RORA: variants seen among roughly 807,000 people sequenced by gnomAD.
RORA encodes the protein nuclear receptor ROR-alpha.
Under a neutral mutation model 69.5 loss-of-function variants are expected in RORA, and 7 were observed. That is an observed-to-expected ratio of 0.10 (90% confidence interval 0.06 to 0.19). RORA has a LOEUF of 0.19. RORA is among the 10% of genes least tolerant of loss of function. The pLI is 1.00. For missense variants in RORA, 457 were observed against 663.0 expected (o/e 0.69, Z 3.41); for synonymous variants, 261 against 240.8 (o/e 1.08, Z -0.78).
chr15:61,021,934 A>G (rs1055253932), intron 1 of RORA, among the ~76,000 whole-genome samples: 5 of 152,198 alleles, frequency 3.3e-5, no homozygotes, highest in South Asian at 2.1e-4. Flanking sequence ...CATGAATGGT[A>G]TATCACCTGG....
At chr15:61,181,680 C>CAAAAAAAAAAAAAAAAAAAAAAAATAAA (rs749054081) in intron 1 of RORA, among the ~76,000 whole-genome samples, 1 of 57,764 alleles carries the variant, frequency 1.7e-5, no homozygotes, top group Non-Finnish European at 3.6e-5. Context: ...TTAGCTTTGG[C>CAAAAAAAAAAAAAAAAAAAAAAAATAAA]AAAAAAAAAA....
intron 1 of RORA, among the ~76,000 whole-genome samples, chr15:61,190,288 A>G (rs1299758675): frequency 2.0e-5 from 3 of 152,220 alleles, no homozygotes; most frequent in Non-Finnish European, 2.9e-5. Context: ...GCATTTTCCT[A>G]TTAACAAAAG....
At chr15:61,139,008 G>A (rs1418786257) in intron 1 of RORA, among the ~76,000 whole-genome samples, 2 of 152,006 alleles carry the variant, frequency 1.3e-5, no homozygotes, top group African/African-American at 4.8e-5. Flanking sequence ...GCCAGGCGTG[G>A]TGGCGGGCGC....
chr15:60,620,690 C>T (rs2069380907), intron 2 of RORA, among the ~76,000 whole-genome samples: 1 of 152,212 alleles, frequency 6.6e-6, no homozygotes, highest in South Asian at 2.1e-4. Context: ...AAGCTCCACA[C>T]TCCAGTTCAA....
At chr15:60,836,222 C>A (rs2073112647) in intron 1 of RORA, among the ~76,000 whole-genome samples, 1 of 152,198 alleles carries the variant, frequency 6.6e-6, no homozygotes, top group Non-Finnish European at 1.5e-5. Context: ...CCAGGCAGGA[C>A]TATGATGTGG....
At chr15:60,562,693 G>A (rs927530325) in intron 2 of RORA, among the ~76,000 whole-genome samples, 3 of 150,556 alleles carry the variant, frequency 2.0e-5, no homozygotes, top group South Asian at 2.1e-4. Flanking sequence ...TGATCCACCC[G>A]CCTTGGCCTC....
chr15:60,628,894 G>T (rs1197000914), intron 2 of RORA, among the ~76,000 whole-genome samples: 2 of 152,216 alleles, frequency 1.3e-5, no homozygotes, highest in Non-Finnish European at 2.9e-5. Context: ...CAGCATCTGT[G>T]TGAAAGAGGT....
chr15:60,865,147 G>C (rs927112082), intron 1 of RORA, among the ~76,000 whole-genome samples: 4 of 152,220 alleles, frequency 2.6e-5, no homozygotes, highest in African/African-American at 9.6e-5. Flanking sequence ...GGTAGAAAGA[G>C]AAAGATGTTT....
chr15:60,735,226 GA>G (rs980698801), intron 1 of RORA, among the ~76,000 whole-genome samples: 2 of 152,196 alleles, frequency 1.3e-5, no homozygotes, highest in African/African-American at 4.8e-5. Flanking sequence ...CACCAACACA[GA>G]AAGATTTGTT....
At position 60,496,700 on chromosome 15, in the gene RORA, C is replaced by T. The variant is rs572535686; in HGVS notation, c.*755G>A. 6.6e-6 allele frequency: 1 copy of T among 152,140 alleles called. No homozygotes were observed. Among genetic ancestry groups the T allele is most frequent in the Non-Finnish European group, 1.5e-5 (1 of 68,022 alleles). 9.4% of individuals were successfully genotyped at this position (152,140 alleles called of 1,614,324 possible). On this transcript the variant is annotated 3_prime_UTR_variant, in exon 11 of 11. Transcript: ENST00000335670. The surrounding 1 kb of genome is among the most constrained non-coding windows in gnomAD (Gnocchi z 4.5). Reference sequence around the variant, plus strand: ...GCAGCATAAATACCTCCCAACGTACCTTCCAAGCCTTCTCAGTTAAACTTG... The same window carrying T: ...GCAGCATAAATACCTCCCAACGTACTTTCCAAGCCTTCTCAGTTAAACTTG...
chr15:61,031,553 A>C (rs1025957939), intron 1 of RORA, among the ~76,000 whole-genome samples: 1 of 152,168 alleles, frequency 6.6e-6, no homozygotes, highest in African/African-American at 2.4e-5. Context: ...TGAAGTAGTT[A>C]AAGTTCTTCT....
In RORA at chr15:61,229,232, G is replaced by A. The variant is rs2080179171; in HGVS notation, c.-14C>T. On this transcript the variant is annotated 5_prime_UTR_variant, in exon 1 of 11. Transcript: ENST00000335670. ...AGCTGACTCCATGTTTTTTCCCAAT[G>A]TAGAGATCGCTGGAGATGGCGAGCT... The A allele has an allele frequency of 1.6e-6, 2 of 1,265,346 alleles. No homozygotes were observed. The highest frequency in any genetic ancestry group is 5.3e-5 in the East Asian group (1 of 18,768). 78.4% of individuals were successfully genotyped at this position (1,265,346 alleles called of 1,614,324 possible).
At chr15:60,806,435 C>A (rs2072660717) in intron 1 of RORA, among the ~76,000 whole-genome samples, 1 of 152,334 alleles carries the variant, frequency 6.6e-6, no homozygotes. Flanking sequence ...TCTTGCCATG[C>A]CTTCCGGAAT....
intron 1 of RORA, among the ~76,000 whole-genome samples, chr15:60,873,239 GTGTGTGTGTC>G (rs1477258101): frequency 0.037 from 63 of 1,714 alleles, no homozygotes; most frequent in Middle Eastern, 0.25. Flanking sequence ...GTGTGTGTGT[GTGTGTGTGTC>G]TGTGTGTGTG....
chr15:60,919,321 G>T (rs72752746), intron 1 of RORA, among the ~76,000 whole-genome samples: 1 of 152,262 alleles, frequency 6.6e-6, no homozygotes, highest in South Asian at 2.1e-4. Flanking sequence ...GTTTAATAGA[G>T]GAGAAGCCCA....
chr15:60,630,888 C>CTTTTTTTTTTTTTTTTTTTTT (rs542275787), intron 2 of RORA, among the ~76,000 whole-genome samples: 2 of 109,902 alleles, frequency 1.8e-5, no homozygotes, highest in Non-Finnish European at 3.5e-5. Context: ...ATGAGACTTT[C>CTTTTTTTTTTTTTTTTTTTTT]TTTTTTTTTT....
chr15:61,184,985 T>TTAA (rs1596055737), intron 1 of RORA, among the ~76,000 whole-genome samples: 1 of 25,530 alleles, frequency 3.9e-5, no homozygotes, highest in Non-Finnish European at 1.0e-4. Context: ...ACCCTGTCTC[T>TTAA]CAAAAAAAAA....
intron 1 of RORA, among the ~76,000 whole-genome samples, chr15:61,156,077 A>G (rs2079439587): frequency 6.6e-6 from 1 of 151,718 alleles, no homozygotes; most frequent in Admixed American, 6.6e-5. Flanking sequence ...TTGCAGAAGA[A>G]AAAAAAAATC....
chr15:61,102,739 C>A (rs1034135346), intron 1 of RORA, among the ~76,000 whole-genome samples: 2 of 152,196 alleles, frequency 1.3e-5, no homozygotes, highest in African/African-American at 4.8e-5. Context: ...CTGAAGCATG[C>A]ACCTAGTTTT....
Sources: allele counts gnomAD v4.1 joint callset (sites outside exome capture counted in the v4.1 genomes callset), GRCh38; gene constraint gnomAD v4.1.1; non-coding constraint Gnocchi (gnomAD v3.1); transcripts MANE v1.5; gene names NCBI Gene and HGNC (gene_info 2026-07-23, HGNC 2026-07-21).